Variants in MARCHF1 observed in about 807,000 individuals in gnomAD.
The protein encoded by MARCHF1 is E3 ubiquitin-protein ligase MARCHF1.
In MARCHF1, 40 loss-of-function variants were observed where a neutral mutation model predicts 54.2. That is an observed-to-expected ratio of 0.74 (90% CI 0.57 to 0.96). The LOEUF (loss-of-function observed/expected upper bound fraction) is 0.96. Ranked by LOEUF, MARCHF1 falls within the 40% of genes least tolerant of loss-of-function variation. The pLI, the probability that MARCHF1 is intolerant of heterozygous loss-of-function variation, is 0.00. For missense variants in MARCHF1, 586 were observed against 656.5 expected (o/e 0.89, Z 1.17); for synonymous variants, 236 against 236.3 (o/e 1.00, Z 0.01).
At chr4:163,807,324 G>A (rs1185858916) in intron 4 of MARCHF1, among the ~76,000 whole-genome samples, 2 of 152,172 alleles carry the variant, frequency 1.3e-5, no homozygotes, top group African/African-American at 2.4e-5. Flanking sequence ...TGTGTATACA[G>A]ACATACATTT....
At chr4:163,920,267 A>G (rs58164659) in intron 3 of MARCHF1, among the ~76,000 whole-genome samples, 31,167 of 152,082 alleles carry the variant, frequency 0.2, 3,999 homozygotes, top group African/African-American at 0.37. Flanking sequence ...AGCTGGAAAC[A>G]TAGACTTAAT....
intron 1 of MARCHF1, among the ~76,000 whole-genome samples, chr4:164,378,610 T>C (rs573227878): frequency 3.3e-5 from 5 of 152,230 alleles, no homozygotes; most frequent in Non-Finnish European, 7.3e-5. Context: ...GCTCAGTCAC[T>C]GGGTGGATTA....
chr4:164,361,211 CCTG>C (rs372399762), intron 1 of MARCHF1, among the ~76,000 whole-genome samples: 5 of 151,964 alleles, frequency 3.3e-5, no homozygotes, highest in African/African-American at 1.2e-4. Context: ...TCTCCTCTGC[CCTG>C]CTATCTTTTA....
chr4:164,126,922 T>A (rs1421330018), intron 1 of MARCHF1, among the ~76,000 whole-genome samples: 1 of 152,016 alleles, frequency 6.6e-6, no homozygotes, highest in African/African-American at 2.4e-5. Flanking sequence ...ACCATGTTGG[T>A]GGGTGCCTGT....
chr4:163,638,745 C>T (rs1742443167), intron 5 of MARCHF1, among the ~76,000 whole-genome samples: 1 of 151,988 alleles, frequency 6.6e-6, no homozygotes, highest in Admixed American at 6.6e-5. Flanking sequence ...TCGCAATAGC[C>T]AAAAGGTGAA....
chr4:164,130,657 A>C (rs939631785), intron 1 of MARCHF1, among the ~76,000 whole-genome samples: 3 of 152,126 alleles, frequency 2.0e-5, no homozygotes, highest in Admixed American at 2.0e-4. Flanking sequence ...GGGAGGTTTC[A>C]CTCAGTTTCT....
intron 1 of MARCHF1, among the ~76,000 whole-genome samples, chr4:164,122,615 A>T (rs547410143): frequency 6.6e-6 from 1 of 152,122 alleles, no homozygotes; most frequent in African/African-American, 2.4e-5. Context: ...AACCTGTCGC[A>T]TCCACTGCCC....
chr4:163,845,302 C>A (rs1238144139), intron 4 of MARCHF1, among the ~76,000 whole-genome samples: 1 of 152,052 alleles, frequency 6.6e-6, no homozygotes, highest in East Asian at 1.9e-4. Flanking sequence ...AATTTTTATT[C>A]TGAGGCAAAA....
At chr4:164,115,159 C>T (rs141920496) in intron 1 of MARCHF1, among the ~76,000 whole-genome samples, 94 of 151,920 alleles carry the variant, frequency 6.2e-4, no homozygotes, top group African/African-American at 1.8e-3. Flanking sequence ...ATATGTTCTC[C>T]GCATACAAAG....
rs561530787 is a variant in MARCHF1, at chr4:163,645,077, G to A, written c.163-31684C>T. ...AGTGACATAGCAGAAGCCCTCCCAG[G>A]AACCTGGAGGAAGCCACATTTATCC... On this transcript the variant is annotated intron_variant, in intron 5 of 9. Transcript: ENST00000514618. 2.3e-3 allele frequency among the ~76,000 whole-genome samples: 345 copies of A among 152,228 alleles called. 1 individual carries two copies. The highest frequency in any genetic ancestry group is 7.9e-3 in the African/African-American group (328 of 41,546).
At chr4:164,344,458 T>TTGTGTGTGTGTGTG (rs144379635) in intron 1 of MARCHF1, among the ~76,000 whole-genome samples, 2 of 148,082 alleles carry the variant, frequency 1.4e-5, no homozygotes, top group African/African-American at 4.9e-5. Flanking sequence ...ATGCACGTGT[T>TTGTGTGTGTGTGTG]TGTGTGTGTG....
rs77526708 is a variant in MARCHF1, at chr4:163,803,636, T to C, written c.111+50385A>G. Among the ~76,000 whole-genome samples the C allele has an allele frequency of 2.5e-3, 385 of 152,286 alleles. 10 individuals are homozygous for C. In the East Asian group the frequency reaches 0.058, roughly 23 times the overall value. ...TGCCCACTTGAGATTATGATATTGA[T>C]AATAAAAGGTAGTAGGGATTTTTAC... On this transcript the variant is annotated intron_variant, in intron 4 of 9. Transcript: ENST00000514618.
intron 2 of MARCHF1, among the ~76,000 whole-genome samples, chr4:164,095,915 A>G (rs1156304736): frequency 2.0e-5 from 3 of 152,154 alleles, no homozygotes; most frequent in African/African-American, 7.2e-5. Context: ...TCAAAAAATA[A>G]CATATACGGA....
chr4:164,186,206 A>C lies in MARCHF1; in HGVS notation c.-322-74544T>G, dbSNP rs138464263. 1.5e-4 allele frequency among the ~76,000 whole-genome samples: 23 copies of C among 152,302 alleles called. 1 individual carries two copies. Among genetic ancestry groups the C allele is most frequent in the African/African-American group, 4.6e-4 (19 of 41,562 alleles). ...CTGTGCCCAGCCAATTTCTGGTTTT[A>C]ATAATCGTTGAAAATGCAGTAATCC... On this transcript the variant is annotated intron_variant, in intron 1 of 9. Transcript: ENST00000514618.
At chr4:164,357,407 T>G (rs1454943051) in intron 1 of MARCHF1, among the ~76,000 whole-genome samples, 1 of 152,138 alleles carries the variant, frequency 6.6e-6, no homozygotes, top group Non-Finnish European at 1.5e-5. Flanking sequence ...CTGGATTCCC[T>G]CTTATAAAGA....
At chr4:163,993,650 A>G (rs1423482896) in intron 2 of MARCHF1, among the ~76,000 whole-genome samples, 1 of 152,144 alleles carries the variant, frequency 6.6e-6, no homozygotes, top group Non-Finnish European at 1.5e-5. Context: ...CAGTTATACT[A>G]GTTTATATGA....
chr4:163,942,573 A>T (rs1460022774), intron 3 of MARCHF1, among the ~76,000 whole-genome samples: 4 of 152,192 alleles, frequency 2.6e-5, no homozygotes, highest in Non-Finnish European at 4.4e-5. Flanking sequence ...CCTTGAATAC[A>T]CTTCTGCCTA....
intron 4 of MARCHF1, among the ~76,000 whole-genome samples, chr4:163,743,474 A>G (rs901661325): frequency 6.6e-6 from 1 of 152,254 alleles, no homozygotes; most frequent in African/African-American, 2.4e-5. Context: ...TGATTATGGT[A>G]AAGTTAATGT....
At position 164,340,916 on chromosome 4, in the gene MARCHF1, CAA is replaced by C. The variant is rs35543676; in HGVS notation, c.-323+42952_-323+42953del. ...ATACCAAAGACAGCTGAGGGCACTACAAAAAAAAAAAAAAAAAAGTTACAGGT... is the reference window on the plus strand; with the variant it reads ...ATACCAAAGACAGCTGAGGGCACTACAAAAAAAAAAAAAAAAGTTACAGGT... On this transcript the variant is annotated intron_variant, in intron 1 of 9. Coordinates refer to ENST00000514618, the MANE Select transcript of MARCHF1 (RefSeq NM_001394959.1). 8.4e-3 allele frequency among the ~76,000 whole-genome samples: 813 copies of C among 96,292 alleles called. 10 individuals are homozygous for C. The highest frequency in any genetic ancestry group is 0.026 in the African/African-American group (719 of 27,770). 63.2% of individuals were successfully genotyped at this position (96,292 alleles called of 152,430 possible).
Sources: allele counts gnomAD v4.1 joint callset (sites outside exome capture counted in the v4.1 genomes callset), GRCh38; gene constraint gnomAD v4.1.1; transcripts MANE v1.5; gene names NCBI Gene and HGNC (gene_info 2026-07-23, HGNC 2026-07-21).